The following PRRX2 variants were observed in gnomAD, a reference collection of about 807,000 sequenced individuals.
The protein encoded by PRRX2 is paired mesoderm homeobox protein 2.
A neutral mutation model predicts 18.0 loss-of-function variants in PRRX2; 11 were observed. That is an observed-to-expected ratio of 0.61 (90% CI 0.39 to 1.01). The LOEUF is 1.01. Among genes scored for constraint, PRRX2 ranks in the 50% least tolerant of loss-of-function variants. The pLI is 0.01. For synonymous variants in PRRX2, 177 were observed against 154.8 expected (o/e 1.14, Z -1.06); for missense variants, 387 against 351.0 (o/e 1.10, Z -0.82).
At position 129,666,091 on chromosome 9, in the gene PRRX2, G is replaced by T. The variant is rs1485276117; in HGVS notation, c.224G>T (p.Gly75Val). Reference protein sequence around the residue: ...AREGAAREPSGGSSGSEAAPQ... With the variant: ...AREGAAREPSVGSSGSEAAPQ... Reference sequence around the variant, plus strand: ...GAGGGCGCAGCACGGGAGCCGTCCGGGGGCAGCAGCGGCAGCGAGGCGGCG... The same window carrying T: ...GAGGGCGCAGCACGGGAGCCGTCCGTGGGCAGCAGCGGCAGCGAGGCGGCG... Residue 75 changes from glycine (G) to valine (V), a missense_variant, in exon 1 of 4, where the codon GGG (glycine) becomes GTG (valine). Transcript: ENST00000372469. 29 of 1,033,812 alleles carry T rather than the reference G, an allele frequency of 2.8e-5. No individual in the cohort carries two copies. Among genetic ancestry groups the T allele is most frequent in the Non-Finnish European group, 3.2e-5 (28 of 863,576 alleles). 64.0% of individuals were successfully genotyped at this position (1,033,812 alleles called of 1,614,324 possible).
intron 1 of PRRX2, among the ~76,000 whole-genome samples, chr9:129,716,581 A>G (rs1832710864): frequency 6.6e-6 from 1 of 151,654 alleles, no homozygotes; most frequent in Non-Finnish European, 1.5e-5. Context: ...CAGCCTCCAG[A>G]GTAGCTGGGA....
At position 129,720,714 on chromosome 9, in the gene PRRX2, C is replaced by T. The variant is rs141327412; in HGVS notation, c.566C>T (p.Ala189Val). Residue 189 changes from alanine to valine, a missense_variant, in exon 3 of 4, where the codon GCT becomes GTT. By Grantham distance (64) the Ala-to-Val change is moderately conservative. Coordinates refer to ENST00000372469, the MANE Select transcript of PRRX2 (RefSeq NM_016307.4). ...SQEAAIEQPV[A>V]PRPTALSPDY... Reference sequence around the variant, plus strand: ...GAGGCCGCCATCGAGCAGCCCGTGGCTCCCCGGCCCACCGCCCTGAGTCCA... The same window carrying T: ...GAGGCCGCCATCGAGCAGCCCGTGGTTCCCCGGCCCACCGCCCTGAGTCCA... 1.2e-5 allele frequency: 20 copies of T among 1,612,812 alleles called. No homozygotes were observed. Among genetic ancestry groups the T allele is most frequent in the Non-Finnish European group, 1.6e-5 (19 of 1,179,592 alleles).
At chr9:129,678,696 C>A (rs71499476) in intron 1 of PRRX2, among the ~76,000 whole-genome samples, 6 of 152,068 alleles carry the variant, frequency 3.9e-5, no homozygotes, top group African/African-American at 1.4e-4. Context: ...ATCTGGCAGA[C>A]CTTGTTTGAG....
intron 1 of PRRX2, among the ~76,000 whole-genome samples, chr9:129,692,713 A>G (rs1215338565): frequency 6.6e-6 from 1 of 151,980 alleles, no homozygotes; most frequent in Admixed American, 6.6e-5. Flanking sequence ...TTTCTTCCAC[A>G]TTTTTTCATG....
chr9:129,668,720 T>TGAGCCAA (rs1212038618), intron 1 of PRRX2, among the ~76,000 whole-genome samples: 1 of 134,766 alleles, frequency 7.4e-6, no homozygotes, highest in African/African-American at 2.9e-5. Flanking sequence ...GAGGTTGCAG[T>TGAGCCAA]GAGCCAAGAT....
chr9:129,703,292 G>C (rs912233221), intron 1 of PRRX2, among the ~76,000 whole-genome samples: 1 of 152,192 alleles, frequency 6.6e-6, no homozygotes, highest in Non-Finnish European at 1.5e-5. Context: ...GAGTCTGAAC[G>C]GTCTCTGCGC....
chr9:129,676,572 A>C (rs544886377), intron 1 of PRRX2, among the ~76,000 whole-genome samples: 1 of 152,332 alleles, frequency 6.6e-6, no homozygotes, highest in South Asian at 2.1e-4. Flanking sequence ...ACTGTGAAGC[A>C]GGGACTGAGG....
intron 1 of PRRX2, among the ~76,000 whole-genome samples, chr9:129,678,620 C>G (rs1010986286): frequency 6.6e-6 from 1 of 152,050 alleles, no homozygotes; most frequent in Non-Finnish European, 1.5e-5. Flanking sequence ...GGAAAGGCTC[C>G]GAGTTGGAAA....
chr9:129,722,324 A>G lies in PRRX2; in HGVS notation c.734A>G (p.His245Arg), dbSNP rs1832804410. The G allele has an allele frequency of 6.2e-7, 1 of 1,613,962 alleles. No individual in the cohort carries two copies. The highest frequency in any genetic ancestry group is 8.5e-7 in the Non-Finnish European group (1 of 1,180,002). The change falls in exon 4 of 4, where the codon CAC (histidine) becomes CGC (arginine). Residue 245 changes from histidine to arginine, a missense_variant. His to Arg is a conservative substitution (Grantham distance 29, BLOSUM62 0). Coordinates refer to ENST00000372469, the MANE Select transcript of PRRX2 (RefSeq NM_016307.4). Reference sequence around the variant, plus strand: ...CTCAAGGCCAAGGAGTTCAGCCTGCACCACAGCCAGGTGCCTACGGTGAAC... The same window carrying G: ...CTCAAGGCCAAGGAGTTCAGCCTGCGCCACAGCCAGGTGCCTACGGTGAAC... ...LRLKAKEFSLHHSQVPTVN is the reference protein window; with the variant it reads ...LRLKAKEFSLRHSQVPTVN
At chr9:129,686,239 G>C (rs780041653) in intron 1 of PRRX2, among the ~76,000 whole-genome samples, 1 of 152,212 alleles carries the variant, frequency 6.6e-6, no homozygotes, top group Non-Finnish European at 1.5e-5. Flanking sequence ...CTCAGAACCA[G>C]AGTCAAGACA....
At chr9:129,696,352 A>C (rs1832421825) in intron 1 of PRRX2, among the ~76,000 whole-genome samples, 1 of 152,188 alleles carries the variant, frequency 6.6e-6, no homozygotes, top group South Asian at 2.1e-4. Flanking sequence ...AGGCGGATGG[A>C]TCGCTTGAGC....
At chr9:129,679,380 ATCG>A (rs1832200575) in intron 1 of PRRX2, among the ~76,000 whole-genome samples, 1 of 152,160 alleles carries the variant, frequency 6.6e-6, no homozygotes, top group Non-Finnish European at 1.5e-5. Context: ...CACCTCCATC[ATCG>A]TCGGCCCCAT....
intron 1 of PRRX2, among the ~76,000 whole-genome samples, chr9:129,717,038 A>C (rs768590896): frequency 1.5e-4 from 23 of 151,712 alleles, no homozygotes; most frequent in Non-Finnish European, 3.2e-4. Context: ...TTATTTTTAA[A>C]TTTTATTTAT....
intron 1 of PRRX2, among the ~76,000 whole-genome samples, chr9:129,683,142 G>A (rs916624212): frequency 4.6e-5 from 7 of 151,994 alleles, no homozygotes; most frequent in Admixed American, 2.6e-4. Flanking sequence ...GCCAGTTCCT[G>A]CCAGGCCACC....
chr9:129,682,288 A>G (rs993433015), intron 1 of PRRX2, among the ~76,000 whole-genome samples: 1 of 151,570 alleles, frequency 6.6e-6, no homozygotes, highest in Non-Finnish European at 1.5e-5. Flanking sequence ...AGCACTTCAC[A>G]AAGTCCTGGC....
intron 1 of PRRX2, among the ~76,000 whole-genome samples, chr9:129,681,390 T>C (rs547538443): frequency 1.3e-5 from 2 of 152,134 alleles, no homozygotes; most frequent in African/African-American, 4.8e-5. Context: ...CATGGTGGTG[T>C]GCACCTGTAC....
intron 1 of PRRX2, among the ~76,000 whole-genome samples, chr9:129,697,978 C>T (rs1832448267): frequency 6.6e-6 from 1 of 151,816 alleles, no homozygotes; most frequent in South Asian, 2.1e-4. Flanking sequence ...TTTTAAGCGC[C>T]GGGATTCGGA....
Position 129,715,770 on chromosome 9 carries a change from A to T in PRRX2, c.260-3461A>T, listed in dbSNP as rs1210101260. Among the ~76,000 whole-genome samples, 5 of 150,524 alleles carry T rather than the reference A, an allele frequency of 3.3e-5. No individual in the cohort carries two copies. In the South Asian group the frequency reaches 6.3e-4, roughly 19 times the overall value. ...CTTTCTCACACACACACACACACAC[A>T]CACACACACACACACACACACACTC... On this transcript the variant is annotated intron_variant, in intron 1 of 3. Transcript: ENST00000372469. The surrounding 1 kb of genome is among the most constrained non-coding windows in gnomAD (Gnocchi z 4.0).
chr9:129,717,039 TTTTATTTA>T (rs560668184), intron 1 of PRRX2, among the ~76,000 whole-genome samples: 1 of 151,898 alleles, frequency 6.6e-6, no homozygotes, highest in African/African-American at 2.4e-5. Context: ...TATTTTTAAA[TTTTATTTA>T]TTTATTTATT....
Sources: gnomAD v4.1 joint callset for allele counts (sites outside exome capture counted in the v4.1 genomes callset) on GRCh38, gnomAD v4.1.1 for gene constraint, Gnocchi (gnomAD v3.1) non-coding constraint, MANE v1.5 for transcripts, NCBI Gene and HGNC (gene_info 2026-07-23, HGNC 2026-07-21) for gene names.